The following UPF2 variants were observed in gnomAD, a reference collection of about 807,000 sequenced individuals.
UPF2 encodes regulator of nonsense transcripts 2.
Under a neutral mutation model 141.4 loss-of-function variants are expected in UPF2, and 17 were observed. That is an observed-to-expected ratio of 0.12 (90% confidence interval 0.08 to 0.18). The LOEUF (loss-of-function observed/expected upper bound fraction) is 0.18. Ranked by LOEUF, UPF2 falls within the 10% of genes least tolerant of loss-of-function variation. The pLI, the probability that UPF2 is intolerant of heterozygous loss-of-function variation, is 1.00. For synonymous variants in UPF2, 540 were observed against 498.0 expected (o/e 1.08, Z -1.12); for missense variants, 1,152 against 1,515.9 (o/e 0.76, Z 3.99).
intron 7 of UPF2, 132 bp from the exon 8 acceptor site, chr10:11,997,889 T>C (rs1373505213): frequency 1.1e-6 from 1 of 879,362 alleles, no homozygotes; most frequent in African/African-American, 1.7e-5. Context: ...GTATTGTTAG[T>C]ATCAGGAAAG....
intron 5 of UPF2, among the ~76,000 whole-genome samples, chr10:12,002,978 C>A (rs1300932365): frequency 1.3e-5 from 2 of 152,164 alleles, no homozygotes; most frequent in African/African-American, 4.8e-5. Context: ...GCATTGAACA[C>A]AGAAATGTCT....
intron 11 of UPF2, among the ~76,000 whole-genome samples, chr10:11,963,644 T>C (rs758733799): frequency 1.3e-5 from 2 of 152,232 alleles, no homozygotes; most frequent in Admixed American, 6.5e-5. Context: ...TTTTATGTGC[T>C]TACATGACAC....
Position 11,956,508 on chromosome 10 carries a change from G to T in UPF2, c.2386C>A (p.Arg796=). The T allele has an allele frequency of 6.2e-7, 1 of 1,613,464 alleles. No homozygotes were observed. The highest frequency in any genetic ancestry group is 8.5e-7 in the Non-Finnish European group (1 of 1,179,810). ...VTTEKVLRQM[R]KLPWQDQEVK... ...TCTTGGTCCTGCCAGGGCAGCTTTC[G>T]CATCTGTCTCAAAACCTAAAAAAAG... The change falls in exon 13 of 22, where the codon CGA becomes AGA. Residue 796 remains arginine, a synonymous_variant. Transcript: ENST00000357604. This position sits in a 1 kb window ranked among gnomAD's most constrained non-coding sequence, Gnocchi z 4.2.
intron 8 of UPF2, among the ~76,000 whole-genome samples, chr10:11,997,074 G>A (rs1833875048): frequency 6.6e-6 from 1 of 152,200 alleles, no homozygotes; most frequent in African/African-American, 2.4e-5. Context: ...GAGTGGTCCT[G>A]AAATGTTCAG....
At chr10:11,932,218 G>A (rs944738682) in intron 19 of UPF2, among the ~76,000 whole-genome samples, 2 of 151,632 alleles carry the variant, frequency 1.3e-5, no homozygotes, top group African/African-American at 4.8e-5. Context: ...ACTCTAAGAT[G>A]TTTTTATCTA....
intron 4 of UPF2, among the ~76,000 whole-genome samples, chr10:12,007,148 C>CAG (rs2131274505): frequency 6.6e-6 from 1 of 152,232 alleles, no homozygotes; most frequent in East Asian, 1.9e-4. Context: ...TGAGATGTAT[C>CAG]TACAAGAACT....
At position 11,992,719 on chromosome 10, in the gene UPF2, T is replaced by A. The variant is rs1240287835; in HGVS notation, c.1844+4953A>T. On this transcript the variant is annotated intron_variant, in intron 8 of 21. Coordinates refer to ENST00000357604, the MANE Select transcript of UPF2 (RefSeq NM_015542.4). This position sits in a 1 kb window ranked among gnomAD's most constrained non-coding sequence, Gnocchi z 4.1. ...TTAAAAGAAACATACTTTCAGAATA[T>A]GTCTGAGAGTAAAATTCAATTCAAT... Among the ~76,000 whole-genome samples, 1 of 152,190 alleles carries A rather than the reference T, an allele frequency of 6.6e-6. No homozygotes were observed. Among genetic ancestry groups the A allele is most frequent in the Non-Finnish European group, 1.5e-5 (1 of 68,044 alleles).
chr10:11,925,478 C>T (rs1182611729), intron 21 of UPF2, among the ~76,000 whole-genome samples: 6 of 152,228 alleles, frequency 3.9e-5, no homozygotes, highest in Admixed American at 1.3e-4. Context: ...TGTCCATTCA[C>T]CAAATATTTA....
chr10:12,004,854 C>T lies in UPF2; in HGVS notation c.1307-127G>A, dbSNP rs571263926. ...GTGTTTCAACTGACAGGAACTTCTTCAATTAACAAGCACATGTGACCGTTT... is the reference window on the plus strand; with the variant it reads ...GTGTTTCAACTGACAGGAACTTCTTTAATTAACAAGCACATGTGACCGTTT... On this transcript the variant is annotated intron_variant, in intron 4 of 21. Coordinates refer to ENST00000357604, the MANE Select transcript of UPF2 (RefSeq NM_015542.4). The T allele has an allele frequency of 2.6e-5, 22 of 859,576 alleles. 1 individual carries two copies. In the South Asian group the frequency reaches 3.0e-4, roughly 12 times the overall value. 53.2% of individuals were successfully genotyped at this position (859,576 alleles called of 1,614,324 possible).
intron 11 of UPF2, among the ~76,000 whole-genome samples, chr10:11,962,637 T>C (rs1009860870): frequency 6.6e-6 from 1 of 152,206 alleles, no homozygotes; most frequent in African/African-American, 2.4e-5. Flanking sequence ...ATCGCCTCCA[T>C]ACTAATCTTT....
intron 8 of UPF2, among the ~76,000 whole-genome samples, chr10:11,984,175 C>T (rs1282367091): frequency 2.0e-5 from 3 of 152,180 alleles, no homozygotes; most frequent in Non-Finnish European, 4.4e-5. Context: ...GCCGCCTTTG[C>T]CTCCCAAAGT....
In UPF2 at chr10:11,964,144, T is replaced by G; in HGVS notation, c.2068-19A>C. 2 of 1,572,202 alleles carry G rather than the reference T, an allele frequency of 1.3e-6. No homozygotes were observed. Among genetic ancestry groups the G allele is most frequent in the Non-Finnish European group, 1.7e-6 (2 of 1,144,866 alleles). Reference sequence around the variant, plus strand: ...GAAGCATCTGCAACAGGAAGAATGATGAAAACTACAAAGGCAACTCTTCAA... The same window carrying G: ...GAAGCATCTGCAACAGGAAGAATGAGGAAAACTACAAAGGCAACTCTTCAA... On this transcript the variant is annotated intron_variant, in intron 10 of 21. Coordinates refer to ENST00000357604, the MANE Select transcript of UPF2 (RefSeq NM_015542.4).
chr10:12,038,401 C>CAT (rs1475350125), intron 1 of UPF2, among the ~76,000 whole-genome samples: 2 of 149,798 alleles, frequency 1.3e-5, no homozygotes, highest in Non-Finnish European at 3.0e-5. Context: ...CACACACACA[C>CAT]ACACACACAC....
intron 8 of UPF2, among the ~76,000 whole-genome samples, chr10:11,985,100 T>C (rs906393322): frequency 2.0e-5 from 3 of 152,200 alleles, no homozygotes; most frequent in Non-Finnish European, 2.9e-5. Context: ...TGCTTTCAGC[T>C]TTAATAGGGA....
rs200052397 is a variant in UPF2 at position 11,959,131 on chromosome 10, C to A, written c.2370+40G>T. The A allele has an allele frequency of 1.0e-4, 156 of 1,532,350 alleles. No homozygotes were observed. In the African/African-American group the frequency reaches 2.0e-3, roughly 20 times the overall value. The allele number at this position is 1,532,350 out of a possible 1,614,324, so 94.9% of individuals were successfully genotyped here. A position where few individuals can be genotyped will look rare whatever the true frequency, so the allele number is the denominator to read the frequency against. ...ACATAAGCTTAGCACTACCACAAAT[C>A]TCACGTTAACTATTAACTGCATGAT... On this transcript the variant is annotated intron_variant, in intron 12 of 21. Coordinates refer to ENST00000357604, the MANE Select transcript of UPF2 (RefSeq NM_015542.4). The surrounding 1 kb of genome is among the most constrained non-coding windows in gnomAD (Gnocchi z 5.9).
intron 8 of UPF2, among the ~76,000 whole-genome samples, chr10:11,984,073 A>T (rs1214203529): frequency 6.6e-6 from 1 of 151,878 alleles, no homozygotes; most frequent in African/African-American, 2.4e-5. Flanking sequence ...ACAGGTATGC[A>T]CCACCACACC....
rs1832778201 is a variant in UPF2, at chr10:11,931,196, G to A, written c.3688+445C>T. 2.0e-5 allele frequency among the ~76,000 whole-genome samples: 3 copies of A among 152,192 alleles called. No homozygotes were observed. The South Asian group carries it at 6.2e-4, about 32-fold the overall frequency. ...CACCTATACAATGGTGGTCCCATCAGTTCATAACAGCTACACCATACAGCC... is the reference window on the plus strand; with the variant it reads ...CACCTATACAATGGTGGTCCCATCAATTCATAACAGCTACACCATACAGCC... On this transcript the variant is annotated intron_variant, in intron 20 of 21. Transcript: ENST00000357604. This position sits in a 1 kb window ranked among gnomAD's most constrained non-coding sequence, Gnocchi z 5.9.
In UPF2 at chr10:11,936,198, T is replaced by C. The variant is rs181735772; in HGVS notation, c.3546+347A>G. On this transcript the variant is annotated intron_variant, in intron 19 of 21. Transcript: ENST00000357604. The surrounding 1 kb of genome is among the most constrained non-coding windows in gnomAD (Gnocchi z 6.6). ...CAGCCTGGCCAACATGGTGAAACCT[T>C]GTCTCTACTAAAAATACAAAAATTA... Among the ~76,000 whole-genome samples, 241 of 152,018 alleles carry C rather than the reference T, an allele frequency of 1.6e-3. 1 individual carries two copies. Among genetic ancestry groups the C allele is most frequent in the African/African-American group, 5.4e-3 (223 of 41,486 alleles).
At chr10:12,012,136 C>T (rs1834139026) in intron 4 of UPF2, among the ~76,000 whole-genome samples, 1 of 149,888 alleles carries the variant, frequency 6.7e-6, no homozygotes, top group Non-Finnish European at 1.5e-5. Context: ...GAGCCTGGCT[C>T]TCTGTAACCT....
Sources: allele counts gnomAD v4.1 joint callset (sites outside exome capture counted in the v4.1 genomes callset), GRCh38; gene constraint gnomAD v4.1.1; non-coding constraint Gnocchi (gnomAD v3.1); transcripts MANE v1.5; gene names NCBI Gene and HGNC (gene_info 2026-07-23, HGNC 2026-07-21).